Variants in FMN1 observed in about 807,000 individuals in gnomAD.
FMN1 encodes the protein formin-1.
FMN1 carries 110 observed loss-of-function variants against 132.4 expected under a neutral mutation model. The ratio of observed to expected loss-of-function variants is 0.83; its 90% confidence interval spans 0.71 to 0.97. FMN1 has a LOEUF of 0.97. Among genes scored for constraint, FMN1 ranks in the 50% least tolerant of loss-of-function variants. The pLI is 0.00. For missense variants in FMN1, 1,792 were observed against 1,705.3 expected (o/e 1.05, Z -0.90); for synonymous variants, 722 against 651.7 (o/e 1.11, Z -1.64).
chr15:33,188,096 A>G (rs892718112), intron 2 of FMN1, among the ~76,000 whole-genome samples: 1 of 152,030 alleles, frequency 6.6e-6, no homozygotes, highest in Non-Finnish European at 1.5e-5. Flanking sequence ...GCACTTTGGG[A>G]GGCCGAGGCG....
chr15:33,052,736 C>A (rs2037035331), intron 6 of FMN1, among the ~76,000 whole-genome samples: 1 of 152,206 alleles, frequency 6.6e-6, no homozygotes, highest in Non-Finnish European at 1.5e-5. Context: ...AAGTTAAATC[C>A]TTGGACCAGA....
At position 32,896,265 on chromosome 15, in the gene FMN1, A is replaced by G. The variant is rs2060152709; in HGVS notation, c.3714+2569T>C. Among the ~76,000 whole-genome samples the G allele has an allele frequency of 2.0e-5, 3 of 151,948 alleles. No individual in the cohort carries two copies. The South Asian group carries it at 6.2e-4, about 32-fold the overall frequency. ...AGCTCTATAATATATTAGAATATAT[A>G]AATGAATGATTCTCTCTTCATTTTT... On this transcript the variant is annotated intron_variant, in intron 15 of 20. Coordinates refer to ENST00000616417, the MANE Select transcript of FMN1 (RefSeq NM_001277313.2).
rs142669782 is a variant in FMN1 at position 32,911,674 on chromosome 15, T to C, written c.3227-1139A>G. 2.0e-3 allele frequency among the ~76,000 whole-genome samples: 307 copies of C among 152,226 alleles called. 6 individuals carry two copies. Among genetic ancestry groups the C allele is most frequent in the Non-Finnish European group, 7.1e-4 (48 of 68,012 alleles). The stretch of plus-strand genomic sequence containing the variant: ...AGAACAGCAAGAAATGTACTTAAAA[T>C]TCCTTTGCAGGCCACCTTCTCAAAC... On this transcript the variant is annotated intron_variant, in intron 10 of 20. Coordinates refer to ENST00000616417, the MANE Select transcript of FMN1 (RefSeq NM_001277313.2).
chr15:33,047,176 G>A (rs2036726427), intron 6 of FMN1, among the ~76,000 whole-genome samples: 1 of 152,190 alleles, frequency 6.6e-6, no homozygotes, highest in African/African-American at 2.4e-5. Flanking sequence ...ACCATTTGCT[G>A]ATTCTTTTCC....
intron 16 of FMN1, among the ~76,000 whole-genome samples, chr15:32,878,394 CAAAG>C (rs1210139339): frequency 6.6e-6 from 1 of 152,052 alleles, no homozygotes; most frequent in African/African-American, 2.4e-5. Context: ...CAGGTGGAGA[CAAAG>C]GAAGACCAAG....
At position 33,176,548 on chromosome 15, in the gene FMN1, C is replaced by A. The variant is rs76483585; in HGVS notation, c.-132+3650G>T. 8.1e-3 allele frequency among the ~76,000 whole-genome samples: 1,148 copies of A among 142,100 alleles called. 14 individuals carry two copies. The highest frequency in any genetic ancestry group is 0.026 in the Middle Eastern group (7 of 268). The allele number at this position is 142,100 out of a possible 152,430, so 93.2% of individuals were successfully genotyped here. ...AAAAAAATCATTCCTGGAGTTCCCA[C>A]TACTTGTCAGACATTTTCCTCCACA... On this transcript the variant is annotated intron_variant, in intron 3 of 20. Transcript: ENST00000616417.
chr15:33,017,275 C>G (rs148625679), intron 6 of FMN1, among the ~76,000 whole-genome samples: 23 of 152,244 alleles, frequency 1.5e-4, no homozygotes, highest in South Asian at 4.1e-4. Context: ...CAAAATCCAT[C>G]TTCAGTACAG....
chr15:33,111,890 T>C (rs1167114330), intron 4 of FMN1, among the ~76,000 whole-genome samples: 1 of 152,170 alleles, frequency 6.6e-6, no homozygotes, highest in South Asian at 2.1e-4. Flanking sequence ...CAACTGAATA[T>C]ATTAGAAACC....
At chr15:32,961,237 G>A (rs962027667) in intron 9 of FMN1, among the ~76,000 whole-genome samples, 16 of 150,670 alleles carry the variant, frequency 1.1e-4, no homozygotes, top group African/African-American at 3.4e-4. Context: ...GGGTTAAAGC[G>A]ATTCTCCTGC....
chr15:33,193,760 G>A (rs1239167983), intron 2 of FMN1, 149 bp downstream of exon 2: 1 of 152,150 alleles, frequency 6.6e-6, no homozygotes, highest in Admixed American at 6.5e-5. Context: ...AATTGCAAAT[G>A]AGGATAAGGA....
intron 10 of FMN1, among the ~76,000 whole-genome samples, chr15:32,921,875 G>A (rs1032015142): frequency 4.6e-5 from 7 of 151,996 alleles, no homozygotes; most frequent in Admixed American, 3.3e-4. Context: ...GTTTCGCCAT[G>A]TTGGCCAGGT....
At position 32,968,944 on chromosome 15, in the gene FMN1, A is replaced by G; in HGVS notation, c.2757T>C (p.Ala919=). The G allele has an allele frequency of 1.2e-6, 1 of 846,562 alleles. No individual in the cohort carries two copies. Among genetic ancestry groups the G allele is most frequent in the Non-Finnish European group, 1.8e-6 (1 of 540,894 alleles). 52.4% of individuals were successfully genotyped at this position (846,562 alleles called of 1,614,324 possible). A position where few individuals can be genotyped will look rare whatever the true frequency, so the allele number is the denominator to read the frequency against. The change falls in exon 8 of 21, where the codon GCT becomes GCC. Residue 919 remains alanine, a synonymous_variant. Coordinates refer to ENST00000616417, the MANE Select transcript of FMN1 (RefSeq NM_001277313.2). ...GTGGGGGTGGGGGTGGTGGAGGTCC[A>G]GCACTTGAAGGTGGAGGTAGAGGTG... ...PPPPLPPPSS[A]GPPPPPPPPP...
At chr15:32,965,867 G>C (rs916118025) in intron 8 of FMN1, among the ~76,000 whole-genome samples, 2 of 152,166 alleles carry the variant, frequency 1.3e-5, no homozygotes, top group African/African-American at 4.8e-5. Context: ...CATTTCCAGT[G>C]AAGTACATCC....
At chr15:33,049,822 A>G (rs2036883655) in intron 6 of FMN1, among the ~76,000 whole-genome samples, 1 of 152,208 alleles carries the variant, frequency 6.6e-6, no homozygotes, top group African/African-American at 2.4e-5. Flanking sequence ...TGTTTTCTGT[A>G]CGTCACTTTC....
intron 7 of FMN1, among the ~76,000 whole-genome samples, chr15:32,999,694 T>C (rs545805766): frequency 2.2e-4 from 34 of 152,210 alleles, no homozygotes; most frequent in Admixed American, 9.2e-4. Context: ...ATGTCACTAT[T>C]GGCTGGTTCT....
intron 17 of FMN1, among the ~76,000 whole-genome samples, chr15:32,816,707 G>A (rs1454148404): frequency 6.6e-6 from 1 of 151,758 alleles, no homozygotes; most frequent in Non-Finnish European, 1.5e-5. Flanking sequence ...CTGTAAAACT[G>A]TCATATTACT....
At chr15:33,123,019 A>C (rs1313055745) in intron 4 of FMN1, among the ~76,000 whole-genome samples, 1 of 151,750 alleles carries the variant, frequency 6.6e-6, no homozygotes, top group Non-Finnish European at 1.5e-5. Context: ...AGGTTAAGTA[A>C]TCTGACCATG....
chr15:32,861,884 G>C (rs1488317440), intron 16 of FMN1, among the ~76,000 whole-genome samples: 1 of 152,140 alleles, frequency 6.6e-6, no homozygotes, highest in African/African-American at 2.4e-5. Flanking sequence ...TGAGCTTCGC[G>C]GTTTTGAAAT....
chr15:32,795,699 G>C (rs2057265694), intron 19 of FMN1, among the ~76,000 whole-genome samples: 1 of 152,120 alleles, frequency 6.6e-6, no homozygotes, highest in Non-Finnish European at 1.5e-5. Context: ...GATAAGAGAA[G>C]GGACTGGGAT....
Sources: gnomAD v4.1 joint callset for allele counts (sites outside exome capture counted in the v4.1 genomes callset) on GRCh38, gnomAD v4.1.1 for gene constraint, MANE v1.5 for transcripts, NCBI Gene and HGNC (gene_info 2026-07-23, HGNC 2026-07-21) for gene names.